The following CFAP299 variants were observed in gnomAD, a reference collection of about 807,000 sequenced individuals.
The protein encoded by CFAP299 is cilia- and flagella-associated protein 299.
A neutral mutation model predicts 27.0 loss-of-function variants in CFAP299; 21 were observed. The ratio of observed to expected loss-of-function variants is 0.78; its 90% confidence interval spans 0.55 to 1.12. The LOEUF (loss-of-function observed/expected upper bound fraction) is 1.12. Ranked by LOEUF, CFAP299 falls within the 50% of genes most tolerant of loss-of-function variation. CFAP299 has a pLI of 0.00. For missense variants in CFAP299, 310 were observed against 276.6 expected (o/e 1.12, Z -0.86); for synonymous variants, 104 against 98.1 (o/e 1.06, Z -0.36).
chr4:80,832,151 T>A (rs1239113628), intron 3 of CFAP299, among the ~76,000 whole-genome samples: 1 of 152,134 alleles, frequency 6.6e-6, no homozygotes, highest in Non-Finnish European at 1.5e-5. Flanking sequence ...TTGTCTCCCC[T>A]GGGGCTAACC....
chr4:80,630,128 CG>C (rs951574564), intron 3 of CFAP299, among the ~76,000 whole-genome samples: 2 of 152,046 alleles, frequency 1.3e-5, no homozygotes, highest in African/African-American at 4.8e-5. Flanking sequence ...GAATCCTCCA[CG>C]GGATAATGAG....
At chr4:80,603,603 G>C (rs1232630570) in intron 3 of CFAP299, among the ~76,000 whole-genome samples, 2 of 152,046 alleles carry the variant, frequency 1.3e-5, no homozygotes. Flanking sequence ...TTGTTTCAAA[G>C]GAAATATTTA....
intron 3 of CFAP299, among the ~76,000 whole-genome samples, chr4:80,808,300 C>A (rs1358817537): frequency 2.0e-5 from 3 of 152,086 alleles, no homozygotes; most frequent in Admixed American, 6.6e-5. Context: ...AAGAAAGAAT[C>A]TGCCTTCATA....
intron 4 of CFAP299, among the ~76,000 whole-genome samples, chr4:80,935,622 A>G (rs71596040): frequency 0.079 from 12,008 of 152,210 alleles, 553 homozygotes; most frequent in Middle Eastern, 0.18. Context: ...CCTGGAAGAC[A>G]AGCTAGGCAA....
chr4:80,354,704 G>A (rs1240867674), intron 1 of CFAP299, among the ~76,000 whole-genome samples: 1 of 151,940 alleles, frequency 6.6e-6, no homozygotes, highest in Non-Finnish European at 1.5e-5. Flanking sequence ...GCCAGTGTGT[G>A]TTTTTTCCCT....
intron 2 of CFAP299, among the ~76,000 whole-genome samples, chr4:80,371,757 C>A (rs550866963): frequency 1.2e-3 from 184 of 152,054 alleles, no homozygotes; most frequent in African/African-American, 4.2e-3. Context: ...GAGACCACTT[C>A]AGCCTACCTT....
chr4:80,440,546 G>GA (rs2110086165), intron 2 of CFAP299, among the ~76,000 whole-genome samples: 1 of 152,278 alleles, frequency 6.6e-6, no homozygotes, highest in Admixed American at 6.5e-5. Context: ...AACCCCATCT[G>GA]AAGGTCATCA....
At chr4:80,664,870 G>A (rs529109990) in intron 3 of CFAP299, among the ~76,000 whole-genome samples, 2 of 152,266 alleles carry the variant, frequency 1.3e-5, no homozygotes, top group Admixed American at 6.5e-5. Context: ...AGGCACCCAA[G>A]GGAATCTCTG....
intron 3 of CFAP299, among the ~76,000 whole-genome samples, chr4:80,724,881 T>TTTTCTTTC (rs368826847): frequency 0.06 from 8,894 of 149,114 alleles, 333 homozygotes; most frequent in Middle Eastern, 0.08. Context: ...TTTCCTTTCT[T>TTTTCTTTC]TTTCTTTCTT....
chr4:80,431,409 TTCCTCCC>T (rs1240263331), intron 2 of CFAP299, among the ~76,000 whole-genome samples: 3 of 144,246 alleles, frequency 2.1e-5, no homozygotes, highest in African/African-American at 7.5e-5. Flanking sequence ...CCTTTCTTCC[TTCCTCCC>T]TCCTTTTTTC....
chr4:80,441,730 T>C (rs945697830), intron 2 of CFAP299, among the ~76,000 whole-genome samples: 1 of 152,220 alleles, frequency 6.6e-6, no homozygotes, highest in African/African-American at 2.4e-5. Context: ...GTAAATGGGC[T>C]AAATGCCCCA....
At chr4:80,673,260 G>A (rs529544854) in intron 3 of CFAP299, among the ~76,000 whole-genome samples, 6 of 151,912 alleles carry the variant, frequency 3.9e-5, no homozygotes, top group South Asian at 2.1e-4. Context: ...CCTTCATTTC[G>A]TTATTTACCC....
At chr4:80,904,601 A>G (rs1449397648) in intron 4 of CFAP299, among the ~76,000 whole-genome samples, 1 of 151,958 alleles carries the variant, frequency 6.6e-6, no homozygotes, top group Non-Finnish European at 1.5e-5. Context: ...AGGGACTGAT[A>G]TTAGAGTTAG....
chr4:80,493,845 G>A (rs1443135566), intron 2 of CFAP299, among the ~76,000 whole-genome samples: 5 of 129,478 alleles, frequency 3.9e-5, no homozygotes, highest in African/African-American at 1.3e-4. Context: ...GCGCAATCTC[G>A]GCTCACTACA....
At chr4:80,538,433 G>C (rs541701965) in intron 2 of CFAP299, among the ~76,000 whole-genome samples, 1 of 151,456 alleles carries the variant, frequency 6.6e-6, no homozygotes, top group African/African-American at 2.4e-5. Flanking sequence ...GTAAGTCTAA[G>C]TATTATACAA....
chr4:80,407,005 T>C (rs999952870), intron 2 of CFAP299, among the ~76,000 whole-genome samples: 6 of 152,102 alleles, frequency 3.9e-5, no homozygotes, highest in Non-Finnish European at 7.4e-5. Flanking sequence ...TAGCAAAATT[T>C]TATATTACTC....
rs1004195558 is a variant in CFAP299 at position 80,948,667 on chromosome 4, A to G, written c.606+3728A>G. Among the ~76,000 whole-genome samples, 6 of 152,190 alleles carry G rather than the reference A, an allele frequency of 3.9e-5. No homozygotes were observed. In the South Asian group the frequency reaches 1.2e-3, roughly 32 times the overall value. ...AGAAAGAGAGAGAGAGAGATTGTAT[A>G]CAATAGTTACAACAAAATATATATA... On this transcript the variant is annotated intron_variant, in intron 5 of 5. Transcript: ENST00000358105.
At chr4:80,641,291 G>C (rs1385735440) in intron 3 of CFAP299, among the ~76,000 whole-genome samples, 3 of 152,030 alleles carry the variant, frequency 2.0e-5, no homozygotes, top group Admixed American at 6.6e-5. Flanking sequence ...TACAACCTCT[G>C]ACTCCCGGGT....
At chr4:80,641,362 G>A (rs1739718121) in intron 3 of CFAP299, among the ~76,000 whole-genome samples, 1 of 151,914 alleles carries the variant, frequency 6.6e-6, no homozygotes, top group Non-Finnish European at 1.5e-5. Flanking sequence ...ACACCACCAT[G>A]CCAGGCTAAG....
Sources: allele counts gnomAD v4.1 joint callset (sites outside exome capture counted in the v4.1 genomes callset), GRCh38; gene constraint gnomAD v4.1.1; transcripts MANE v1.5; gene names NCBI Gene and HGNC (gene_info 2026-07-23, HGNC 2026-07-21).